Variants in ZDHHC3 observed in about 807,000 individuals in gnomAD.
ZDHHC3 encodes the protein palmitoyltransferase ZDHHC3.
ZDHHC3 carries 9 observed loss-of-function variants against 30.6 expected under a neutral mutation model. The observed-to-expected ratio is 0.29, with a 90% CI of 0.18 to 0.51. The LOEUF is 0.51. Ranked by LOEUF, ZDHHC3 falls within the 20% of genes least tolerant of loss-of-function variation. ZDHHC3 has a pLI of 0.97. For synonymous variants in ZDHHC3, 136 were observed against 140.2 expected, an observed-to-expected ratio of 0.97 and a Z score of 0.21; for missense variants, 246 against 384.2, an observed-to-expected ratio of 0.64 and a Z score of 3.01.
chr3:44,975,318 G>C (rs2125948952), intron 1 of ZDHHC3: 1 of 152,292 alleles, frequency 6.6e-6, no homozygotes, highest in Non-Finnish European at 1.5e-5. Flanking sequence ...GTTGGGGTTG[G>C]CTTTTTTTCG....
intron 5 of ZDHHC3, among the ~76,000 whole-genome samples, chr3:44,930,182 C>G (rs1406595629): frequency 6.6e-6 from 1 of 152,248 alleles, no homozygotes. Context: ...ACCCACTGCA[C>G]TGTGAAGCAG....
Position 44,926,409 on chromosome 3 carries a change from C to A in ZDHHC3, c.*280G>T. On this transcript the variant is annotated 3_prime_UTR_variant, in exon 7 of 7. Transcript: ENST00000424952. ...GACAGCGCCCTCTACATTAGTCATGCCAGACAGACAGCAGAGAGAAACCAG... is the reference window on the plus strand; with the variant it reads ...GACAGCGCCCTCTACATTAGTCATGACAGACAGACAGCAGAGAGAAACCAG... 3 of 1,161,446 alleles carry A rather than the reference C, an allele frequency of 2.6e-6. No homozygotes were observed. The highest frequency in any genetic ancestry group is 3.2e-6 in the Non-Finnish European group (3 of 942,936). 71.9% of individuals were successfully genotyped at this position (1,161,446 alleles called of 1,614,324 possible).
intron 2 of ZDHHC3, among the ~76,000 whole-genome samples, chr3:44,955,974 CA>C (rs1249380312): frequency 1.3e-5 from 2 of 152,212 alleles, no homozygotes; most frequent in Non-Finnish European, 2.9e-5. Context: ...GGGCTACCAG[CA>C]AAATACACCT....
intron 1 of ZDHHC3, among the ~76,000 whole-genome samples, chr3:44,962,192 G>T (rs1055898542): frequency 3.9e-5 from 6 of 152,136 alleles, no homozygotes; most frequent in Non-Finnish European, 8.8e-5. Context: ...TTCATAAATG[G>T]ATAATCACTG....
Position 44,925,025 on chromosome 3 carries a change from T to A in ZDHHC3, c.*1664A>T. 2.0e-6 allele frequency: 2 copies of A among 985,488 alleles called. No individual in the cohort carries two copies. The highest frequency in any genetic ancestry group is 2.4e-6 in the Non-Finnish European group (2 of 829,886). The allele number at this position is 985,488 out of a possible 1,614,324, so 61.0% of individuals were successfully genotyped here. A position where few individuals can be genotyped will look rare whatever the true frequency, so the allele number is the denominator to read the frequency against. On this transcript the variant is annotated 3_prime_UTR_variant, in exon 7 of 7. Transcript: ENST00000424952. ...GCTGGTTCAAGAGAGGGACCATAAA[T>A]GCATTTTAAAACAAAAAAAATAAAG...
In ZDHHC3 at chr3:44,920,737, C is replaced by CG. The variant is rs1302589306; in HGVS notation, c.*5951_*5952insC. 2.0e-6 allele frequency: 2 copies of CG among 985,242 alleles called. No homozygotes were observed. Among genetic ancestry groups the CG allele is most frequent in the African/African-American group, 3.5e-5 (2 of 57,216 alleles). 61.0% of individuals were successfully genotyped at this position (985,242 alleles called of 1,614,324 possible). Reference sequence around the variant, plus strand: ...GCCCACAGGATGATTATTTGCCATTCATGTGGCATGCTCCCAGATAGGCAC... The same window carrying CG: ...GCCCACAGGATGATTATTTGCCATTCGATGTGGCATGCTCCCAGATAGGCAC... On this transcript the variant is annotated 3_prime_UTR_variant, in exon 7 of 7. Transcript: ENST00000424952.
In ZDHHC3 at chr3:44,918,915, C is replaced by G. The variant is rs1404180021; in HGVS notation, c.*7774G>C. The G allele has an allele frequency of 1.0e-6, 1 of 985,566 alleles. No individual in the cohort carries two copies. Among genetic ancestry groups the G allele is most frequent in the Non-Finnish European group, 1.2e-6 (1 of 830,150 alleles). The allele number at this position is 985,566 out of a possible 1,614,324, so 61.1% of individuals were successfully genotyped here. On this transcript the variant is annotated 3_prime_UTR_variant, in exon 7 of 7. Transcript: ENST00000424952. ...CTCTCCAGGCCCACAACACCCTGCA[C>G]AGAGGCCTTTGACCCTCCACTGGGG... is the stretch of plus-strand genomic sequence containing the variant.
At chr3:44,945,865 GATTA>G (rs1390751585) in intron 2 of ZDHHC3, among the ~76,000 whole-genome samples, 1 of 152,036 alleles carries the variant, frequency 6.6e-6, no homozygotes, top group East Asian at 1.9e-4. Flanking sequence ...CCAATTCTTT[GATTA>G]ATTTTCTACA....
At chr3:44,954,592 A>G (rs566705267) in intron 2 of ZDHHC3, among the ~76,000 whole-genome samples, 1 of 152,330 alleles carries the variant, frequency 6.6e-6, no homozygotes, top group East Asian at 1.9e-4. Context: ...ACATGACTGT[A>G]TATTCCTCCT....
intron 1 of ZDHHC3, among the ~76,000 whole-genome samples, chr3:44,966,716 C>T (rs1235019191): frequency 6.6e-6 from 1 of 152,166 alleles, no homozygotes; most frequent in Non-Finnish European, 1.5e-5. Flanking sequence ...TTCACCTGCA[C>T]TACAATTACC....
intron 1 of ZDHHC3, among the ~76,000 whole-genome samples, chr3:44,972,564 CAG>C (rs1490891686): frequency 2.6e-5 from 4 of 152,200 alleles, no homozygotes; most frequent in African/African-American, 9.7e-5. Flanking sequence ...ATGGGTGGGA[CAG>C]AGTTACTCCA....
intron 2 of ZDHHC3, among the ~76,000 whole-genome samples, chr3:44,947,750 G>A (rs1251569897): frequency 6.6e-6 from 1 of 152,218 alleles, no homozygotes; most frequent in Non-Finnish European, 1.5e-5. Context: ...TCTATAGCCA[G>A]GGCTGAGAGC....
At chr3:44,975,175 A>C (rs975905876) in intron 1 of ZDHHC3, 1 of 151,744 alleles carries the variant, frequency 6.6e-6, no homozygotes, top group Non-Finnish European at 1.5e-5. Flanking sequence ...ATTTATCCAC[A>C]CGGCTCCTTT....
chr3:44,928,421 C>A (rs185442302), intron 6 of ZDHHC3, among the ~76,000 whole-genome samples: 6 of 152,172 alleles, frequency 3.9e-5, no homozygotes, highest in Admixed American at 2.6e-4. Context: ...ACCCTGAGGC[C>A]CAAACCTTCA....
chr3:44,937,820 A>G, intron 3 of ZDHHC3: 5 of 431,934 alleles, frequency 1.2e-5, no homozygotes, highest in South Asian at 8.9e-5. Context: ...ACATTGCCAA[A>G]GCAATTGGTG....
chr3:44,923,386 C>T lies in ZDHHC3; in HGVS notation c.*3303G>A, dbSNP rs759461788. The stretch of plus-strand genomic sequence containing the variant: ...GGATGTCCACAGTGAGAAGTGTCCG[C>T]GCCCGGCTTAAAATGTTTGTTAATT... On this transcript the variant is annotated 3_prime_UTR_variant, in exon 7 of 7. Transcript: ENST00000424952. 1.6e-5 allele frequency: 16 copies of T among 985,242 alleles called. No homozygotes were observed. The highest frequency in any genetic ancestry group is 4.7e-5 in the South Asian group (1 of 21,286). The allele number at this position is 985,242 out of a possible 1,614,324, so 61.0% of individuals were successfully genotyped here.
chr3:44,921,484 C>T lies in ZDHHC3; in HGVS notation c.*5205G>A. On this transcript the variant is annotated 3_prime_UTR_variant, in exon 7 of 7. Coordinates refer to ENST00000424952, the MANE Select transcript of ZDHHC3 (RefSeq NM_001135179.2). ...CATATACACACAACTCCCTAAGCTTCATAAAACAATACTTATCCTGCAATA... is the reference window on the plus strand; with the variant it reads ...CATATACACACAACTCCCTAAGCTTTATAAAACAATACTTATCCTGCAATA... 2 of 985,446 alleles carry T rather than the reference C, an allele frequency of 2.0e-6. No homozygotes were observed. The highest frequency in any genetic ancestry group is 2.4e-6 in the Non-Finnish European group (2 of 829,942). 61.0% of individuals were successfully genotyped at this position (985,446 alleles called of 1,614,324 possible). A position where few individuals can be genotyped will look rare whatever the true frequency, so the allele number is the denominator to read the frequency against.
At chr3:44,956,386 A>T (rs1703959030) in intron 2 of ZDHHC3, among the ~76,000 whole-genome samples, 1 of 152,212 alleles carries the variant, frequency 6.6e-6, no homozygotes, top group Non-Finnish European at 1.5e-5. Flanking sequence ...TTTCTCCTCC[A>T]AAATCAATAA....
At position 44,945,152 on chromosome 3, in the gene ZDHHC3, GC is replaced by G. The variant is rs1290306753; in HGVS notation, c.431+15del. On this transcript the variant is annotated intron_variant, in intron 3 of 6. Coordinates refer to ENST00000424952, the MANE Select transcript of ZDHHC3 (RefSeq NM_001135179.2). ...GACAGTGGGAGAAGAGAGGAGGCGAGCCCCAGTGAGTGTACCTGCAGTGGTG... is the reference window on the plus strand; with the variant it reads ...GACAGTGGGAGAAGAGAGGAGGCGAGCCCAGTGAGTGTACCTGCAGTGGTG... 5.6e-6 allele frequency: 9 copies of G among 1,613,420 alleles called. No individual in the cohort carries two copies. Among genetic ancestry groups the G allele is most frequent in the African/African-American group, 1.3e-5 (1 of 74,916 alleles).
Sources: allele counts gnomAD v4.1 joint callset (sites outside exome capture counted in the v4.1 genomes callset), GRCh38; gene constraint gnomAD v4.1.1; transcripts MANE v1.5; gene names NCBI Gene and HGNC (gene_info 2026-07-23, HGNC 2026-07-21).